Variants in NFKBIE observed in about 807,000 individuals in gnomAD.
The protein encoded by NFKBIE is NFKB inhibitor epsilon.
In NFKBIE, 11 loss-of-function variants were observed where a neutral mutation model predicts 31.6. That is an observed-to-expected ratio of 0.35 (90% CI 0.22 to 0.58). The LOEUF (loss-of-function observed/expected upper bound fraction) is 0.58. Among genes scored for constraint, NFKBIE ranks in the 20% least tolerant of loss-of-function variants. The pLI, the probability that NFKBIE is intolerant of heterozygous loss-of-function variation, is 0.83. For synonymous variants in NFKBIE, 208 were observed against 210.1 expected (o/e 0.99, Z 0.09); for missense variants, 354 against 465.7 (o/e 0.76, Z 2.21).
intron 2 of NFKBIE, among the ~76,000 whole-genome samples, chr6:44,262,109 A>T (rs1016534052): frequency 2.6e-5 from 4 of 152,124 alleles, no homozygotes; most frequent in African/African-American, 9.7e-5. Flanking sequence ...TAGGCCCTGG[A>T]GAAAGGACAT....
intron 2 of NFKBIE, among the ~76,000 whole-genome samples, 177 bp from the exon 3 acceptor site, chr6:44,262,025 C>A (rs764463619): frequency 1.6e-4 from 25 of 152,320 alleles, no homozygotes; most frequent in Non-Finnish European, 3.4e-4. Flanking sequence ...ACCCCTCCCC[C>A]ACCAAGCTCT....
Position 44,261,889 on chromosome 6 carries a change from G to T in NFKBIE, c.469-41C>A. 2 of 1,544,662 alleles carry T rather than the reference G, an allele frequency of 1.3e-6. No homozygotes were observed. Among genetic ancestry groups the T allele is most frequent in the Non-Finnish European group, 1.8e-6 (2 of 1,137,118 alleles). On this transcript the variant is annotated intron_variant, in intron 2 of 5. Coordinates refer to ENST00000619360, the MANE Select transcript of NFKBIE (RefSeq NM_004556.3). This position sits in a 1 kb window ranked among gnomAD's most constrained non-coding sequence, Gnocchi z 4.3. ...GAGGGTCATGGGGCCACTGCAGCATGCTCCCACCTCTGGGAACATGCTTGG... is the reference window on the plus strand; with the variant it reads ...GAGGGTCATGGGGCCACTGCAGCATTCTCCCACCTCTGGGAACATGCTTGG...
chr6:44,258,877 G>A lies in NFKBIE; in HGVS notation c.*342C>T. The A allele has an allele frequency of 4.2e-6, 1 of 236,376 alleles. No individual in the cohort carries two copies. Among genetic ancestry groups the A allele is most frequent in the Non-Finnish European group, 8.8e-6 (1 of 113,966 alleles). The allele number at this position is 236,376 out of a possible 1,614,324, so 14.6% of individuals were successfully genotyped here. Reference sequence around the variant, plus strand: ...TCTCTTCTCACTCAGGAGAGTCCATGCTTCCTACTGGTTGGCAGTTTCAGG... The same window carrying A: ...TCTCTTCTCACTCAGGAGAGTCCATACTTCCTACTGGTTGGCAGTTTCAGG... On this transcript the variant is annotated 3_prime_UTR_variant, in exon 6 of 6. Transcript: ENST00000619360.
rs766774866 is a variant in NFKBIE, at chr6:44,265,242, A to G, written c.105T>C (p.Ala35=). 6 of 1,552,566 alleles carry G rather than the reference A, an allele frequency of 3.9e-6. No individual in the cohort carries two copies. In the Admixed American group the frequency reaches 9.8e-5, roughly 25 times the overall value. Residue 35 remains alanine, a synonymous_variant, in exon 1 of 6, where the codon GCT becomes GCC. Transcript: ENST00000619360. ...SLRSLPESTS[A]PASGPSDGSP... Reference sequence around the variant, plus strand: ...TGCCGTCCGAGGGCCCGGAGGCTGGAGCCGAGGTGGACTCGGGTAGGGAGC... The same window carrying G: ...TGCCGTCCGAGGGCCCGGAGGCTGGGGCCGAGGTGGACTCGGGTAGGGAGC...
At position 44,265,179 on chromosome 6, in the gene NFKBIE, C is replaced by A. The variant is rs776545801; in HGVS notation, c.168G>T (p.Lys56Asn). 7.1e-6 allele frequency: 11 copies of A among 1,551,778 alleles called. No homozygotes were observed. The highest frequency in any genetic ancestry group is 8.7e-6 in the Non-Finnish European group (10 of 1,147,020). ...CCGCGTCTTCCTTCTCCTGTGGTTC[C>A]TTGACGGGTCCCGGAGGATGGGTGC... ...QPCTHPPGPV[K>N]EPQEKEDADG... is the part of the protein sequence containing the mutation. The change falls in exon 1 of 6, where the codon AAG becomes AAT. Residue 56 changes from lysine (K) to asparagine (N), a missense_variant. Physicochemically the swap from Lys to Asn is moderately conservative, Grantham distance 94 (BLOSUM62 0). Around this residue, in one of 2 missense-constraint regions of NFKBIE, gnomAD observed 171 missense variants for 155.1 expected, o/e 1.10. Transcript: ENST00000619360.
rs1781874677 is a variant in NFKBIE at position 44,260,840 on chromosome 6, CACACACACACACACAT to C, written c.692-317_692-302del. Among the ~76,000 whole-genome samples, 1 of 83,260 alleles carries C rather than the reference CACACACACACACACAT, an allele frequency of 1.2e-5. No homozygotes were observed. Among genetic ancestry groups the C allele is most frequent in the Non-Finnish European group, 2.5e-5 (1 of 40,150 alleles). The allele number at this position is 83,260 out of a possible 152,430, so 54.6% of individuals were successfully genotyped here. A position where few individuals can be genotyped will look rare whatever the true frequency, so the allele number is the denominator to read the frequency against. ...ACACAAACTACAACACACACACACA[CACACACACACACACAT>C]ACAGACACACACACACACACACACA... On this transcript the variant is annotated intron_variant, in intron 3 of 5. Transcript: ENST00000619360. This position sits in a 1 kb window ranked among gnomAD's most constrained non-coding sequence, Gnocchi z 5.5.
rs201932612 is a variant in NFKBIE at position 44,260,010 on chromosome 6, A to C, written c.1020+33T>G. On this transcript the variant is annotated intron_variant, in intron 5 of 5. Transcript: ENST00000619360. This position sits in a 1 kb window ranked among gnomAD's most constrained non-coding sequence, Gnocchi z 5.5. ...GAACCTCTCTCTGCTATGGGTGTGCAAGGCCCTGGAGAGCAAAGCATATGC... is the reference window on the plus strand; with the variant it reads ...GAACCTCTCTCTGCTATGGGTGTGCCAGGCCCTGGAGAGCAAAGCATATGC... 6.2e-7 allele frequency: 1 copy of C among 1,601,364 alleles called. No homozygotes were observed. Among genetic ancestry groups the C allele is most frequent in the African/African-American group, 1.3e-5 (1 of 74,804 alleles).
In NFKBIE at chr6:44,260,559, AGG is replaced by A; in HGVS notation, c.692-22_692-21del. On this transcript the variant is annotated intron_variant, in intron 3 of 5. Coordinates refer to ENST00000619360, the MANE Select transcript of NFKBIE (RefSeq NM_004556.3). The surrounding 1 kb of genome is among the most constrained non-coding windows in gnomAD (Gnocchi z 5.5). ...CCAGACCTGGGATGGGGTGAGAGTGAGGGTGAGGGCTGCTGATCTGCATCCAC... is the reference window on the plus strand; with the variant it reads ...CCAGACCTGGGATGGGGTGAGAGTGAGTGAGGGCTGCTGATCTGCATCCAC... The A allele has an allele frequency of 6.2e-7, 1 of 1,612,470 alleles. No individual in the cohort carries two copies. The highest frequency in any genetic ancestry group is 1.3e-5 in the African/African-American group (1 of 74,918).
chr6:44,260,275 G>C lies in NFKBIE; in HGVS notation c.788C>G (p.Thr263Ser), dbSNP rs1456384117. 4.3e-6 allele frequency: 7 copies of C among 1,609,298 alleles called. No homozygotes were observed. In the East Asian group the frequency reaches 1.1e-4, roughly 26 times the overall value. The change falls in exon 5 of 6, where the codon ACC becomes AGC. Residue 263 changes from threonine to serine, a missense_variant. By Grantham distance (58) the Thr-to-Ser change is moderately conservative. Transcript: ENST00000619360. The surrounding 1 kb of genome is among the most constrained non-coding windows in gnomAD (Gnocchi z 5.5). ...NGADIDVQEG[T>S]SGKTALHLAV... is the part of the protein sequence containing the mutation. The stretch of plus-strand genomic sequence containing the variant: ...CAGGTGCAGCGCTGTCTTACCACTG[G>C]TGCCCTCCTGGGGAGGAATAAGGAT...
intron 1 of NFKBIE, among the ~76,000 whole-genome samples, chr6:44,262,989 C>T (rs1377797146): frequency 6.6e-6 from 1 of 152,230 alleles, no homozygotes; most frequent in Admixed American, 6.5e-5. Context: ...AGCTGCAGCT[C>T]AAAGCCAAAT....
In NFKBIE at chr6:44,260,862, C is replaced by CACACACAG. The variant is rs1554142181; in HGVS notation, c.692-324_692-323insCTGTGTGT. Among the ~76,000 whole-genome samples, 98 of 15,692 alleles carry CACACACAG rather than the reference C, an allele frequency of 6.2e-3. 1 individual carries two copies. The highest frequency in any genetic ancestry group is 0.03 in the South Asian group (8 of 268). 10.3% of individuals were successfully genotyped at this position (15,692 alleles called of 152,430 possible). A position where few individuals can be genotyped will look rare whatever the true frequency, so the allele number is the denominator to read the frequency against. ...ACACACACACACACACACATACAGA[C>CACACACAG]ACACACACACACACACACACACACA... is the stretch of plus-strand genomic sequence containing the variant. On this transcript the variant is annotated intron_variant, in intron 3 of 5. Coordinates refer to ENST00000619360, the MANE Select transcript of NFKBIE (RefSeq NM_004556.3). The surrounding 1 kb of genome is among the most constrained non-coding windows in gnomAD (Gnocchi z 5.5).
chr6:44,259,470 G>C (rs1781812047), intron 5 of NFKBIE, among the ~76,000 whole-genome samples, 186 bp from the exon 6 acceptor site: 1 of 151,404 alleles, frequency 6.6e-6, no homozygotes, highest in African/African-American at 2.4e-5. Context: ...GAGCCCTGAG[G>C]ACTTAGACAA....
Position 44,260,456 on chromosome 6 carries a change from C to T in NFKBIE, c.775G>A (p.Val259Met), listed in dbSNP as rs1315059407. The T allele has an allele frequency of 2.5e-6, 4 of 1,614,170 alleles. No individual in the cohort carries two copies. Among genetic ancestry groups the T allele is most frequent in the Non-Finnish European group, 3.4e-6 (4 of 1,180,022 alleles). ...TGCTTTGCTGGCTGTCTCACCTGCACATCAATGTCAGCTCCATTCCGAAGC... is the reference window on the plus strand; with the variant it reads ...TGCTTTGCTGGCTGTCTCACCTGCATATCAATGTCAGCTCCATTCCGAAGC... ...LLLRNGADID[V>M]QEGTSGKTAL... The change falls in exon 4 of 6, where the codon GTG becomes ATG. Residue 259 changes from valine (V) to methionine (M), a missense_variant. By Grantham distance (21) the Val-to-Met change is conservative (BLOSUM62 1). Transcript: ENST00000619360. The surrounding 1 kb of genome is among the most constrained non-coding windows in gnomAD (Gnocchi z 5.5).
rs1334160910 is a variant in NFKBIE at position 44,260,862 on chromosome 6, C to T, written c.692-323G>A. On this transcript the variant is annotated intron_variant, in intron 3 of 5. Transcript: ENST00000619360. The surrounding 1 kb of genome is among the most constrained non-coding windows in gnomAD (Gnocchi z 5.5). ...ACACACACACACACACACATACAGA[C>T]ACACACACACACACACACACACACA... is the stretch of plus-strand genomic sequence containing the variant. 0.013 allele frequency among the ~76,000 whole-genome samples: 206 copies of T among 15,680 alleles called. No homozygotes were observed. In the East Asian group the frequency reaches 0.17, roughly 13 times the overall value. 10.3% of individuals were successfully genotyped at this position (15,680 alleles called of 152,430 possible).
chr6:44,262,715 G>A, intron 1 of NFKBIE, 53 bp from the exon 2 acceptor site: 2 of 1,456,728 alleles, frequency 1.4e-6, no homozygotes, highest in Non-Finnish European at 1.9e-6. Context: ...AGAGGGAGTG[G>A]GTTGGGGTCT....
In NFKBIE at chr6:44,260,248, G is replaced by A; in HGVS notation, c.815C>T (p.Ala272Val). ...CAGGCCCCGCTCTTGGGTTTCCACA[G>A]CCAGGTGCAGCGCTGTCTTACCACT... ...GTSGKTALHL[A>V]VETQERGLVQ... Residue 272 changes from alanine (A) to valine (V), a missense_variant, in exon 5 of 6, where the codon GCT becomes GTT. Around this residue, in one of 2 missense-constraint regions of NFKBIE, gnomAD observed 183 missense variants for 310.6 expected, o/e 0.59. Transcript: ENST00000619360. This position sits in a 1 kb window ranked among gnomAD's most constrained non-coding sequence, Gnocchi z 5.5. The A allele has an allele frequency of 6.2e-7, 1 of 1,613,318 alleles. No homozygotes were observed. The highest frequency in any genetic ancestry group is 8.5e-7 in the Non-Finnish European group (1 of 1,179,344).
At position 44,260,295 on chromosome 6, in the gene NFKBIE, A is replaced by G; in HGVS notation, c.781-13T>C. 1.9e-6 allele frequency: 3 copies of G among 1,606,954 alleles called. No individual in the cohort carries two copies. The highest frequency in any genetic ancestry group is 2.2e-5 in the South Asian group (2 of 90,952). On this transcript the variant is annotated splice_polypyrimidine_tract_variant and intron_variant, in intron 4 of 5. Coordinates refer to ENST00000619360, the MANE Select transcript of NFKBIE (RefSeq NM_004556.3). This position sits in a 1 kb window ranked among gnomAD's most constrained non-coding sequence, Gnocchi z 5.5. ...CACTGGTGCCCTCCTGGGGAGGAAT[A>G]AGGATGTCAGCCAAGGCCCTCAGAG...
At chr6:44,262,698 C>T in intron 1 of NFKBIE, 36 bp from the exon 2 acceptor site, 4 of 1,567,488 alleles carry the variant, frequency 2.6e-6, no homozygotes, top group Non-Finnish European at 3.5e-6. Flanking sequence ...AGTTAAGGGC[C>T]CAGGCCAGAG....
At position 44,259,207 on chromosome 6, in the gene NFKBIE, C is replaced by T; in HGVS notation, c.*12G>A. On this transcript the variant is annotated 3_prime_UTR_variant, in exon 6 of 6. Coordinates refer to ENST00000619360, the MANE Select transcript of NFKBIE (RefSeq NM_004556.3). ...GAGGTGGAGCCCTGAGGATCCCAGA[C>T]CCTGCCTGGCTTCAGTCGGTACACA... is the stretch of plus-strand genomic sequence containing the variant. The T allele has an allele frequency of 3.7e-6, 6 of 1,613,170 alleles. No homozygotes were observed. The highest frequency in any genetic ancestry group is 5.1e-6 in the Non-Finnish European group (6 of 1,179,466).
Sources: allele counts gnomAD v4.1 joint callset (sites outside exome capture counted in the v4.1 genomes callset), GRCh38; gene constraint gnomAD v4.1.1; regional missense constraint gnomAD v4.1.1; non-coding constraint Gnocchi (gnomAD v3.1); transcripts MANE v1.5; gene names NCBI Gene and HGNC (gene_info 2026-07-23, HGNC 2026-07-21).